LRRC49: variants seen among roughly 807,000 people sequenced by gnomAD.
LRRC49 encodes the protein leucine-rich repeat-containing protein 49.
A neutral mutation model predicts 83.3 loss-of-function variants in LRRC49; 50 were observed. That is an observed-to-expected ratio of 0.60 (90% CI 0.48 to 0.76). The LOEUF is 0.76. LRRC49 is among the 30% of genes least tolerant of loss of function. The pLI, the probability that LRRC49 is intolerant of heterozygous loss-of-function variation, is 0.00. For synonymous variants in LRRC49, 286 were observed against 283.3 expected (o/e 1.01, Z -0.10); for missense variants, 704 against 809.1 (o/e 0.87, Z 1.58).
intron 8 of LRRC49, among the ~76,000 whole-genome samples, chr15:70,951,340 A>G (rs1203517755): frequency 1.3e-5 from 2 of 152,042 alleles, no homozygotes; most frequent in Admixed American, 6.6e-5. Context: ...GAATCTGTAA[A>G]TTGCTTTGGG....
intron 2 of LRRC49, among the ~76,000 whole-genome samples, chr15:70,874,294 C>T (rs1261295682): frequency 1.3e-5 from 2 of 152,152 alleles, no homozygotes; most frequent in African/African-American, 2.4e-5. Flanking sequence ...TCTACCTTTT[C>T]TTCTCAAAGA....
chr15:70,859,863 T>C (rs2032745006), intron 1 of LRRC49: 3 of 769,230 alleles, frequency 3.9e-6, no homozygotes, highest in Non-Finnish European at 7.3e-6. Flanking sequence ...AAGCTGGCCT[T>C]GGGCATCAAA....
chr15:70,910,571 C>T (rs543553232), intron 5 of LRRC49, among the ~76,000 whole-genome samples: 4 of 152,178 alleles, frequency 2.6e-5, no homozygotes, highest in African/African-American at 9.6e-5. Context: ...TTTGCCATTG[C>T]TCCCATCTGG....
At chr15:70,913,568 G>GT (rs1027284127) in intron 6 of LRRC49, among the ~76,000 whole-genome samples, 7 of 152,180 alleles carry the variant, frequency 4.6e-5, no homozygotes, top group African/African-American at 1.7e-4. Flanking sequence ...AAACAACACA[G>GT]TAAGTATTTA....
intron 10 of LRRC49, among the ~76,000 whole-genome samples, chr15:70,982,045 C>G (rs2037420972): frequency 6.6e-6 from 1 of 151,972 alleles, no homozygotes; most frequent in Admixed American, 6.6e-5. Context: ...TAATCATTCT[C>G]TTAGTCAACC....
In LRRC49 at chr15:71,052,386, G is replaced by A. The variant is rs1456953179; in HGVS notation, c.*2774G>A. ...GATGTTCTGGTACAGCAGCTGGATGGTGAAGTGTGCTGCTACACCTGAGGA... is the reference window on the plus strand; with the variant it reads ...GATGTTCTGGTACAGCAGCTGGATGATGAAGTGTGCTGCTACACCTGAGGA... On this transcript the variant is annotated 3_prime_UTR_variant, in exon 16 of 16. Coordinates refer to ENST00000260382, the MANE Select transcript of LRRC49 (RefSeq NM_017691.5). The A allele has an allele frequency of 6.6e-6, 1 of 152,234 alleles. No homozygotes were observed. The highest frequency in any genetic ancestry group is 1.5e-5 in the Non-Finnish European group (1 of 68,074). The allele number at this position is 152,234 out of a possible 1,614,324, so 9.4% of individuals were successfully genotyped here. A position where few individuals can be genotyped will look rare whatever the true frequency, so the allele number is the denominator to read the frequency against.
intron 14 of LRRC49, among the ~76,000 whole-genome samples, chr15:71,026,652 A>G (rs897728558): frequency 6.6e-6 from 1 of 152,202 alleles, no homozygotes; most frequent in African/African-American, 2.4e-5. Flanking sequence ...CTGACATATT[A>G]TCTCATTGTG....
At chr15:71,002,512 G>GT (rs564123262) in intron 11 of LRRC49, among the ~76,000 whole-genome samples, 112 of 147,644 alleles carry the variant, frequency 7.6e-4, no homozygotes, top group East Asian at 2.6e-3. Flanking sequence ...TTGGTGTAAT[G>GT]TTTTTTTTTT....
chr15:70,984,320 A>G, intron 11 of LRRC49, 63 bp downstream of exon 11: 1 of 1,376,828 alleles, frequency 7.3e-7, no homozygotes, highest in South Asian at 1.5e-5. Context: ...AGTGGGAATT[A>G]GAAACCATTT....
chr15:70,988,073 G>T (rs1280866946), intron 11 of LRRC49, among the ~76,000 whole-genome samples: 2 of 151,600 alleles, frequency 1.3e-5, no homozygotes, highest in Non-Finnish European at 2.9e-5. Context: ...GTCAATTTTG[G>T]AATAGGTGTG....
chr15:70,887,814 G>A (rs899733701), upstream of LRRC49, among the ~76,000 whole-genome samples: 1 of 152,142 alleles, frequency 6.6e-6, no homozygotes, highest in African/African-American at 2.4e-5. Context: ...TTTTGTACAT[G>A]TATAAAATTC....
chr15:70,923,021 G>A (rs2035064724), intron 7 of LRRC49, among the ~76,000 whole-genome samples: 1 of 151,892 alleles, frequency 6.6e-6, no homozygotes, highest in Non-Finnish European at 1.5e-5. Flanking sequence ...AAGCATTTAA[G>A]CCTATAAATT....
chr15:70,877,959 C>T (rs541502189), intron 2 of LRRC49, among the ~76,000 whole-genome samples: 5 of 152,292 alleles, frequency 3.3e-5, no homozygotes, highest in African/African-American at 1.2e-4. Flanking sequence ...GAAACCCCGT[C>T]TCTACTAAAA....
intron 14 of LRRC49, among the ~76,000 whole-genome samples, chr15:71,017,073 T>C (rs1171460168): frequency 2.0e-5 from 3 of 152,132 alleles, no homozygotes; most frequent in Non-Finnish European, 4.4e-5. Context: ...TCTACACCAC[T>C]GTACTCTGAT....
chr15:70,951,701 A>T (rs978556717), intron 8 of LRRC49, among the ~76,000 whole-genome samples: 7 of 152,076 alleles, frequency 4.6e-5, no homozygotes, highest in Admixed American at 2.0e-4. Context: ...TATATTGTCC[A>T]TGCAGATAGA....
intron 4 of LRRC49, among the ~76,000 whole-genome samples, chr15:70,903,979 A>G (rs2034194127): frequency 1.3e-5 from 2 of 152,176 alleles, no homozygotes; most frequent in Non-Finnish European, 2.9e-5. Context: ...TTTCTAAGGA[A>G]ATGTTAAGTA....
chr15:70,866,361 G>C (rs1452487911), intron 1 of LRRC49, among the ~76,000 whole-genome samples: 2 of 152,020 alleles, frequency 1.3e-5, no homozygotes, highest in Non-Finnish European at 2.9e-5. Context: ...TGGCCAGGAT[G>C]GTCTCCATCT....
exon 2 of LRRC49, chr15:70,873,163 G>C: frequency 6.5e-7 from 1 of 1,527,234 alleles, no homozygotes; most frequent in Non-Finnish European, 8.8e-7. Flanking sequence ...GGGATTACAG[G>C]AGTGAGCCAC....
At chr15:70,909,915 A>C (rs1567047306) in intron 5 of LRRC49, among the ~76,000 whole-genome samples, 2 of 151,602 alleles carry the variant, frequency 1.3e-5, no homozygotes. Context: ...CTGTTTTCCC[A>C]TCTGGTTGGG....
Sources: allele counts gnomAD v4.1 joint callset (sites outside exome capture counted in the v4.1 genomes callset), GRCh38; gene constraint gnomAD v4.1.1; transcripts MANE v1.5; gene names NCBI Gene and HGNC (gene_info 2026-07-23, HGNC 2026-07-21).